Variants in ATAD1 observed in about 807,000 individuals in gnomAD.
ATAD1 encodes the protein ATPase family AAA domain containing 1, also known as outer mitochondrial transmembrane helix translocase.
Under a neutral mutation model 42.7 loss-of-function variants are expected in ATAD1, and 18 were observed. That is an observed-to-expected ratio of 0.42 (90% confidence interval 0.29 to 0.63). The LOEUF (loss-of-function observed/expected upper bound fraction) is 0.63, where lower values mean the gene tolerates loss of function less well. Among genes scored for constraint, ATAD1 ranks in the 20% least tolerant of loss-of-function variants. ATAD1 has a pLI of 0.19. For missense variants in ATAD1, 294 were observed against 440.4 expected, an observed-to-expected ratio of 0.67 and a Z score of 2.98; for synonymous variants, 132 against 143.1, an observed-to-expected ratio of 0.92 and a Z score of 0.55.
intron 5 of ATAD1, among the ~76,000 whole-genome samples, chr10:87,777,532 TA>T (rs962612260): frequency 4.6e-5 from 7 of 151,852 alleles, no homozygotes; most frequent in African/African-American, 1.7e-4. Flanking sequence ...AATGCTTTTT[TA>T]AAAAAAGGGG....
At chr10:87,770,235 C>T (rs1291887854) in intron 7 of ATAD1, among the ~76,000 whole-genome samples, 1 of 152,146 alleles carries the variant, frequency 6.6e-6, no homozygotes, top group East Asian at 1.9e-4. Flanking sequence ...GTAAGTTCCT[C>T]TAAATGGCAA....
intron 7 of ATAD1, among the ~76,000 whole-genome samples, chr10:87,768,666 T>C (rs939587652): frequency 1.3e-5 from 2 of 152,236 alleles, no homozygotes; most frequent in Non-Finnish European, 2.9e-5. Flanking sequence ...TACAAATTTA[T>C]AATAAACTTG....
intron 6 of ATAD1, among the ~76,000 whole-genome samples, chr10:87,774,256 CT>C (rs1855187128): frequency 6.6e-6 from 1 of 152,202 alleles, no homozygotes; most frequent in Non-Finnish European, 1.5e-5. Context: ...ACGAATTAAG[CT>C]AAGGCTGGAG....
At chr10:87,832,550 T>C (rs1287452923) in intron 1 of ATAD1, among the ~76,000 whole-genome samples, 2 of 152,152 alleles carry the variant, frequency 1.3e-5, no homozygotes, top group Non-Finnish European at 2.9e-5. Flanking sequence ...AATCAGGTAG[T>C]TTGATTCTTC....
At chr10:87,795,374 T>C (rs533649063) in intron 2 of ATAD1, among the ~76,000 whole-genome samples, 4 of 152,144 alleles carry the variant, frequency 2.6e-5, no homozygotes, top group South Asian at 4.2e-4. Flanking sequence ...AAAATTATGA[T>C]TGGACTACTG....
At chr10:87,760,221 T>A (rs1854418839) in intron 8 of ATAD1, among the ~76,000 whole-genome samples, 1 of 152,170 alleles carries the variant, frequency 6.6e-6, no homozygotes, top group Non-Finnish European at 1.5e-5. Flanking sequence ...CGAAGTCTCA[T>A]GTTGAATTTA....
At chr10:87,831,098 A>G (rs192196742) in intron 1 of ATAD1, among the ~76,000 whole-genome samples, 26 of 152,332 alleles carry the variant, frequency 1.7e-4, no homozygotes, top group African/African-American at 6.3e-4. Flanking sequence ...TTTCTCATGT[A>G]TAAAAAAGGG....
intron 4 of ATAD1, among the ~76,000 whole-genome samples, chr10:87,786,608 C>T (rs531128595): frequency 6.6e-6 from 1 of 152,328 alleles, no homozygotes; most frequent in South Asian, 2.1e-4. Flanking sequence ...TGTCAATATT[C>T]CCTTCTTGAC....
chr10:87,759,993 T>G lies in ATAD1; in HGVS notation c.832-3071A>C, dbSNP rs1352912775. Among the ~76,000 whole-genome samples, 7 of 152,292 alleles carry G rather than the reference T, an allele frequency of 4.6e-5. No homozygotes were observed. In the East Asian group the frequency reaches 1.3e-3, roughly 29 times the overall value. ...GGCAATTCCCAAGTTAAAAAGCTTT[T>G]GAGTATAGGCAGCAACAGCAGAATA... On this transcript the variant is annotated intron_variant, in intron 8 of 9. Transcript: ENST00000680024.
intron 2 of ATAD1, among the ~76,000 whole-genome samples, chr10:87,813,794 T>G (rs925265626): frequency 6.6e-6 from 1 of 151,758 alleles, no homozygotes; most frequent in African/African-American, 2.4e-5. Context: ...CAATAAGACA[T>G]AAATATTTTA....
chr10:87,798,793 T>C (rs1004161019), intron 2 of ATAD1, among the ~76,000 whole-genome samples: 1 of 152,182 alleles, frequency 6.6e-6, no homozygotes, highest in Admixed American at 6.5e-5. Context: ...TTCACCTGAG[T>C]TGTTTCCTTT....
At chr10:87,792,609 C>T in intron 3 of ATAD1, 48 bp downstream of exon 3, 1 of 1,137,012 alleles carries the variant, frequency 8.8e-7, no homozygotes, top group Non-Finnish European at 1.3e-6. Context: ...AATGCTAGAA[C>T]CCACCCCCAC....
At chr10:87,819,113 A>G (rs1401354520), upstream of ATAD1, 1 of 152,124 alleles carries the variant, frequency 6.6e-6, no homozygotes, top group East Asian at 1.9e-4. Flanking sequence ...TACTTGAGGC[A>G]TCATCTTTGA....
upstream of ATAD1, chr10:87,818,260 G>A (rs1857527994): frequency 9.1e-6 from 9 of 985,218 alleles, no homozygotes; most frequent in Middle Eastern, 5.2e-4. Flanking sequence ...CGGGAGGCGC[G>A]GCGCACTCCC....
intron 2 of ATAD1, among the ~76,000 whole-genome samples, chr10:87,796,242 G>T (rs1856383469): frequency 6.6e-6 from 1 of 152,076 alleles, no homozygotes; most frequent in Non-Finnish European, 1.5e-5. Context: ...TACTGTAAAA[G>T]GAAAATAAAT....
At chr10:87,829,234 A>ATTTATTTATTAT (rs33913276) in intron 1 of ATAD1, among the ~76,000 whole-genome samples, 1 of 142,928 alleles carries the variant, frequency 7.0e-6, no homozygotes, top group African/African-American at 2.6e-5. Flanking sequence ...TATTTTATTT[A>ATTTATTTATTAT]TTATTTATTT....
At position 87,810,044 on chromosome 10, in the gene ATAD1, T is replaced by C. The variant is rs116251405; in HGVS notation, c.162+4394A>G. Among the ~76,000 whole-genome samples the C allele has an allele frequency of 7.5e-3, 1,147 of 152,276 alleles. 16 individuals carry two copies. The highest frequency in any genetic ancestry group is 0.027 in the African/African-American group (1,104 of 41,540). On this transcript the variant is annotated intron_variant, in intron 2 of 9. Transcript: ENST00000680024. ...GTCGGTTTGAAAAGTCTTGATTTTA[T>C]GTCTTTTCAAAAAAACAATTTTGGG...
intron 8 of ATAD1, among the ~76,000 whole-genome samples, chr10:87,763,194 T>C (rs747342351): frequency 2.6e-5 from 4 of 151,906 alleles, no homozygotes; most frequent in East Asian, 3.9e-4. Context: ...TCTGAAACTG[T>C]ACATATTTCA....
intron 8 of ATAD1, among the ~76,000 whole-genome samples, chr10:87,764,723 A>G (rs993639937): frequency 2.6e-5 from 4 of 152,138 alleles, no homozygotes; most frequent in African/African-American, 7.2e-5. Context: ...CCAACTACCA[A>G]TATTAGAGCA....
Sources: allele counts gnomAD v4.1 joint callset (sites outside exome capture counted in the v4.1 genomes callset), GRCh38; gene constraint gnomAD v4.1.1; transcripts MANE v1.5; gene names NCBI Gene and HGNC (gene_info 2026-07-23, HGNC 2026-07-21).